The following PDZK1 variants were observed in gnomAD, a reference collection of about 807,000 sequenced individuals.
PDZK1 encodes the protein Na(+)/H(+) exchange regulatory cofactor NHE-RF3.
PDZK1 carries 23 observed loss-of-function variants against 38.1 expected under a neutral mutation model. The ratio of observed to expected loss-of-function variants is 0.60; its 90% CI spans 0.43 to 0.85. The LOEUF is 0.85. Ranked by LOEUF, PDZK1 falls within the 40% of genes least tolerant of loss-of-function variation. PDZK1 has a pLI of 0.00. For missense variants in PDZK1, 297 were observed against 504.3 expected, an observed-to-expected ratio of 0.59 and a Z score of 3.94; for synonymous variants, 98 against 186.2, an observed-to-expected ratio of 0.53 and a Z score of 3.86.
At chr1:145,691,186 A>G (rs912763401) in intron 1 of PDZK1, among the ~76,000 whole-genome samples, 2 of 152,138 alleles carry the variant, frequency 1.3e-5, no homozygotes, top group South Asian at 2.1e-4. Context: ...AGCTGCACCA[A>G]TGGGGAAAGC....
intron 6 of PDZK1, among the ~76,000 whole-genome samples, chr1:145,677,408 CT>C (rs1463462432): frequency 6.6e-6 from 1 of 150,402 alleles, no homozygotes; most frequent in Non-Finnish European, 1.5e-5. Flanking sequence ...CTCCTTTCAA[CT>C]TTAAGCACAT....
At chr1:145,700,466 A>G (rs782100295) in intron 1 of PDZK1, among the ~76,000 whole-genome samples, 1 of 152,186 alleles carries the variant, frequency 6.6e-6, no homozygotes, top group Non-Finnish European at 1.5e-5. Flanking sequence ...AGATGGAGTG[A>G]GTGAAGCATT....
At chr1:145,701,201 T>C (rs138571289) in intron 1 of PDZK1, among the ~76,000 whole-genome samples, 3 of 150,428 alleles carry the variant, frequency 2.0e-5, no homozygotes, top group Non-Finnish European at 4.4e-5. Context: ...CGAGACTCCA[T>C]CTCAAAAAAA....
rs587716648 is a variant in PDZK1 at position 145,695,282 on chromosome 1, C to T, written c.-2-7259G>A. Reference sequence around the variant, plus strand: ...CCAAAAAATACAAAAATTAGCCAGGCGTGGTGGTGGGCACCTGTAGTCCCA... The same window carrying T: ...CCAAAAAATACAAAAATTAGCCAGGTGTGGTGGTGGGCACCTGTAGTCCCA... On this transcript the variant is annotated intron_variant, in intron 1 of 8. Coordinates refer to ENST00000417171, the MANE Select transcript of PDZK1 (RefSeq NM_001201325.2). Among the ~76,000 whole-genome samples the T allele has an allele frequency of 6.6e-5, 10 of 151,616 alleles. No individual in the cohort carries two copies. In the East Asian group the frequency reaches 1.6e-3, roughly 24 times the overall value.
At chr1:145,684,292 T>C (rs1432455376) in intron 3 of PDZK1, among the ~76,000 whole-genome samples, 1 of 141,300 alleles carries the variant, frequency 7.1e-6, no homozygotes, top group Non-Finnish European at 1.5e-5. Context: ...CACTGCAACC[T>C]CCGCCTCCCG....
At chr1:145,688,715 C>G (rs782446024) in intron 1 of PDZK1, among the ~76,000 whole-genome samples, 10 of 152,246 alleles carry the variant, frequency 6.6e-5, no homozygotes, top group South Asian at 4.1e-4. Context: ...ATTCCCAGCA[C>G]TTTGGGAGGC....
chr1:145,700,314 G>C (rs1655888553), intron 1 of PDZK1, among the ~76,000 whole-genome samples: 1 of 152,176 alleles, frequency 6.6e-6, no homozygotes, highest in African/African-American at 2.4e-5. Flanking sequence ...AGAACCAAAT[G>C]CTGTGTATCA....
At chr1:145,701,077 C>A (rs1797051) in intron 1 of PDZK1, among the ~76,000 whole-genome samples, 2 of 151,576 alleles carry the variant, frequency 1.3e-5, no homozygotes, top group African/African-American at 4.8e-5. Flanking sequence ...TGGTGGCACA[C>A]GCCTGTAGTC....
Position 145,682,553 on chromosome 1 carries a change from C to G in PDZK1, c.544G>C (p.Glu182Gln). 1 of 1,607,838 alleles carries G rather than the reference C, an allele frequency of 6.2e-7. No individual in the cohort carries two copies. Among genetic ancestry groups the G allele is most frequent in the Non-Finnish European group, 8.5e-7 (1 of 1,176,612 alleles). The change falls in exon 4 of 9, where the codon GAA (glutamate) becomes CAA (glutamine). Residue 182 changes from glutamate to glutamine, a missense_variant. Coordinates refer to ENST00000417171, the MANE Select transcript of PDZK1 (RefSeq NM_001201325.2). ...AGVLADDHLIEVNGENVEDAS... is the reference protein window; with the variant it reads ...AGVLADDHLIQVNGENVEDAS... ...TCCTCTACATTCTCTCCATTCACTT[C>G]AATCAAGTGATCATCAGCCAGAACT...
At chr1:145,702,678 G>C (rs1656030034) in intron 1 of PDZK1, among the ~76,000 whole-genome samples, 2 of 152,152 alleles carry the variant, frequency 1.3e-5, no homozygotes, top group Admixed American at 1.3e-4. Flanking sequence ...CGGATCACGA[G>C]GTCAGGAGAT....
At chr1:145,686,958 G>T (rs1446421775) in intron 2 of PDZK1, among the ~76,000 whole-genome samples, 1 of 152,082 alleles carries the variant, frequency 6.6e-6, no homozygotes, top group African/African-American at 2.4e-5. Flanking sequence ...TTCAACCCCA[G>T]CCCAGAGGGT....
Position 145,671,106 on chromosome 1 carries a change from T to C in PDZK1, c.*330A>G. 3.0e-6 allele frequency: 1 copy of C among 334,288 alleles called. No individual in the cohort carries two copies. The allele number at this position is 334,288 out of a possible 1,614,324, so 20.7% of individuals were successfully genotyped here. On this transcript the variant is annotated 3_prime_UTR_variant, in exon 9 of 9. Transcript: ENST00000417171. ...GTCACCTATACAGAGTTATGAATCA[T>C]CTTTGGTGCTCAAGGAACCTGTAGA...
intron 1 of PDZK1, among the ~76,000 whole-genome samples, chr1:145,701,567 G>A (rs1655960687): frequency 6.6e-6 from 1 of 152,136 alleles, no homozygotes; most frequent in African/African-American, 2.4e-5. Context: ...ACTTTTGTTA[G>A]GAAAATACAG....
intron 1 of PDZK1, among the ~76,000 whole-genome samples, chr1:145,705,978 T>A (rs1553705668): frequency 6.6e-6 from 1 of 152,118 alleles, no homozygotes; most frequent in Non-Finnish European, 1.5e-5. Flanking sequence ...GGTCTCGAAC[T>A]CCTGGCCTCA....
At chr1:145,682,884 A>C (rs1304407169) in intron 3 of PDZK1, among the ~76,000 whole-genome samples, 2 of 152,112 alleles carry the variant, frequency 1.3e-5, no homozygotes, top group African/African-American at 4.8e-5. Context: ...GAGCACATAT[A>C]CCCTTTCCCT....
intron 5 of PDZK1, among the ~76,000 whole-genome samples, chr1:145,679,031 A>G (rs1252366276): frequency 1.3e-5 from 2 of 151,826 alleles, no homozygotes; most frequent in Non-Finnish European, 2.9e-5. Context: ...AAGAATAAAG[A>G]ACAAAACCCA....
At chr1:145,689,254 A>C (rs1267882557) in intron 1 of PDZK1, among the ~76,000 whole-genome samples, 1 of 152,036 alleles carries the variant, frequency 6.6e-6, no homozygotes, top group Non-Finnish European at 1.5e-5. Flanking sequence ...CTGCTAACTA[A>C]TTTTTTTAGA....
intron 2 of PDZK1, among the ~76,000 whole-genome samples, chr1:145,687,311 A>G (rs1453827930): frequency 6.6e-6 from 1 of 151,268 alleles, no homozygotes; most frequent in East Asian, 1.9e-4. Context: ...CGAGGTCAGG[A>G]GATCGAGACC....
rs1179200225 is a variant in PDZK1 at position 145,671,204 on chromosome 1, A to G, written c.*232T>C. The G allele has an allele frequency of 4.5e-6, 5 of 1,099,548 alleles. No individual in the cohort carries two copies. The highest frequency in any genetic ancestry group is 4.3e-5 in the East Asian group (1 of 23,414). 68.1% of individuals were successfully genotyped at this position (1,099,548 alleles called of 1,614,324 possible). A position where few individuals can be genotyped will look rare whatever the true frequency, so the allele number is the denominator to read the frequency against. On this transcript the variant is annotated 3_prime_UTR_variant, in exon 9 of 9. Transcript: ENST00000417171. ...GCTTGGAAAAGATCACATGAAAAAA[A>G]TCTAGCTCTTGCCTTATCTCTTCCT... is the stretch of plus-strand genomic sequence containing the variant.
Sources: allele counts gnomAD v4.1 joint callset (sites outside exome capture counted in the v4.1 genomes callset), GRCh38; gene constraint gnomAD v4.1.1; transcripts MANE v1.5; gene names NCBI Gene and HGNC (gene_info 2026-07-23, HGNC 2026-07-21).